MLH3: variants seen among roughly 807,000 people sequenced by gnomAD.
The protein encoded by MLH3 is mutL homolog 3, also known as DNA mismatch repair protein Mlh3.
MLH3 carries 82 observed loss-of-function variants against 122.2 expected under a neutral mutation model. That is an observed-to-expected ratio of 0.67 (90% CI 0.56 to 0.81). The LOEUF is 0.81. Ranked by LOEUF, MLH3 falls within the 30% of genes least tolerant of loss-of-function variation. The pLI is 0.00. For synonymous variants in MLH3, 524 were observed against 599.5 expected, an observed-to-expected ratio of 0.87 and a Z score of 1.84; for missense variants, 1,539 against 1,714.5, an observed-to-expected ratio of 0.90 and a Z score of 1.81.
At chr14:75,044,004 G>A (rs1892046053) in intron 2 of MLH3, among the ~76,000 whole-genome samples, 2 of 152,130 alleles carry the variant, frequency 1.3e-5, no homozygotes, top group South Asian at 4.1e-4. Context: ...CAGGAGAATC[G>A]CTTGAACTCA....
intron 5 of MLH3, among the ~76,000 whole-genome samples, chr14:75,039,008 C>A (rs1387596961): frequency 6.6e-6 from 1 of 151,876 alleles, no homozygotes; most frequent in Admixed American, 6.6e-5. Flanking sequence ...CAGGTGCCCG[C>A]CACCACGCCC....
chr14:75,030,998 A>T (rs1377671787), intron 8 of MLH3, among the ~76,000 whole-genome samples: 1 of 152,194 alleles, frequency 6.6e-6, no homozygotes, highest in East Asian at 1.9e-4. Flanking sequence ...GGCTGCTGGC[A>T]CTTAAGGGAG....
intron 4 of MLH3, 143 bp from the exon 5 acceptor site, chr14:75,040,158 C>A (rs1243504651): frequency 1.8e-5 from 10 of 553,410 alleles, no homozygotes; most frequent in East Asian, 4.3e-5. Flanking sequence ...TATAGAAATT[C>A]AAAAGAATCG....
At chr14:75,031,282 G>A (rs536604767) in intron 8 of MLH3, among the ~76,000 whole-genome samples, 1 of 152,066 alleles carries the variant, frequency 6.6e-6, no homozygotes, top group Non-Finnish European at 1.5e-5. Flanking sequence ...TATATGATTC[G>A]CCCCTTCCTT....
chr14:75,027,808 A>G (rs963685721), intron 9 of MLH3, among the ~76,000 whole-genome samples: 2 of 151,982 alleles, frequency 1.3e-5, no homozygotes, highest in African/African-American at 2.4e-5. Context: ...ACCACCAGGG[A>G]ATTAAAAACA....
chr14:75,035,695 G>A (rs989917118), intron 6 of MLH3, among the ~76,000 whole-genome samples: 1 of 152,124 alleles, frequency 6.6e-6, no homozygotes, highest in Non-Finnish European at 1.5e-5. Flanking sequence ...GAAATACATA[G>A]AGAATAAATG....
At chr14:75,038,843 A>ATTTTTTTTTTTTTTTTTTTTTTTTTTTT (rs879937438) in intron 5 of MLH3, among the ~76,000 whole-genome samples, 1 of 146,420 alleles carries the variant, frequency 6.8e-6, no homozygotes, top group Admixed American at 6.8e-5. Context: ...TTTATTTTTA[A>ATTTTTTTTTTTTTTTTTTTTTTTTTTTT]TTTTTTTTTT....
chr14:75,041,377 C>T (rs1197983282), intron 4 of MLH3, among the ~76,000 whole-genome samples: 2 of 152,008 alleles, frequency 1.3e-5, no homozygotes, highest in Admixed American at 1.3e-4. Context: ...TGGAGAAACC[C>T]CATCTCTACT....
chr14:75,048,680 T>C lies in MLH3; in HGVS notation c.976A>G (p.Thr326Ala). 1 of 1,614,094 alleles carries C rather than the reference T, an allele frequency of 6.2e-7. No homozygotes were observed. The highest frequency in any genetic ancestry group is 8.5e-7 in the Non-Finnish European group (1 of 1,180,020). Reference protein sequence around the residue: ...EYDVCMEPAKTLIEFQNWDTL... With the variant: ...EYDVCMEPAKALIEFQNWDTL... ...TCCCAGTTCTGAAATTCAATCAGAG[T>C]TTTGGCTGGCTCCATGCACACATCA... The change falls in exon 2 of 13, where the codon ACT becomes GCT. Residue 326 changes from threonine to alanine, a missense_variant. Transcript: ENST00000355774.
chr14:75,046,096 C>T (rs892090532), intron 2 of MLH3, among the ~76,000 whole-genome samples: 12 of 150,446 alleles, frequency 8.0e-5, no homozygotes, highest in African/African-American at 1.2e-4. Context: ...AGGAGAATCG[C>T]TTGAACCAGG....
At chr14:75,025,184 A>T (rs1160401317) in intron 9 of MLH3, among the ~76,000 whole-genome samples, 1 of 152,144 alleles carries the variant, frequency 6.6e-6, no homozygotes, top group African/African-American at 2.4e-5. Context: ...AACCACTTCT[A>T]ACCTTTAGCT....
rs540309281 is a variant in MLH3 at position 75,042,862 on chromosome 14, G to A, written c.3281-385C>T. 8.8e-4 allele frequency among the ~76,000 whole-genome samples: 133 copies of A among 151,186 alleles called. 1 individual carries two copies. The highest frequency in any genetic ancestry group is 2.9e-3 in the African/African-American group (118 of 41,130). ...GTGATCTCGGCTTACTGCAACTTCC[G>A]CCTCCCGGGTTCAAGCAATTCTCCT... is the stretch of plus-strand genomic sequence containing the variant. On this transcript the variant is annotated intron_variant, in intron 2 of 12. Transcript: ENST00000355774.
At chr14:75,036,894 T>C (rs544363806) in intron 6 of MLH3, among the ~76,000 whole-genome samples, 260 of 152,302 alleles carry the variant, frequency 1.7e-3, no homozygotes, top group Admixed American at 3.0e-3. Context: ...ATGTCTCAGA[T>C]ATTGCAATAT....
At chr14:75,022,775 T>C in intron 11 of MLH3, 39 bp downstream of exon 11, 2 of 1,577,800 alleles carry the variant, frequency 1.3e-6, no homozygotes, top group Non-Finnish European at 1.7e-6. Flanking sequence ...GGGCTCTGCA[T>C]GCAGAGGTGT....
chr14:75,026,776 T>C (rs541217801), intron 9 of MLH3, among the ~76,000 whole-genome samples: 3 of 152,258 alleles, frequency 2.0e-5, no homozygotes, highest in African/African-American at 7.2e-5. Flanking sequence ...AGAGTAATAA[T>C]TGGATTGACT....
intron 9 of MLH3, among the ~76,000 whole-genome samples, chr14:75,024,590 C>T (rs1890507150): frequency 6.6e-6 from 1 of 152,246 alleles, no homozygotes; most frequent in South Asian, 2.1e-4. Context: ...TCACTGCAGC[C>T]TCCACCTCCT....
At position 75,050,158 on chromosome 14, in the gene MLH3, T is replaced by C. The variant is rs188349478; in HGVS notation, c.-63-440A>G. Among the ~76,000 whole-genome samples, 21 of 152,326 alleles carry C rather than the reference T, an allele frequency of 1.4e-4. No homozygotes were observed. The East Asian group carries it at 3.3e-3, about 24-fold the overall frequency. ...ACCATGACTTTTAGAAAAATACTTATAATGAATTGCTAAGACATTGTAATA... is the reference window on the plus strand; with the variant it reads ...ACCATGACTTTTAGAAAAATACTTACAATGAATTGCTAAGACATTGTAATA... On this transcript the variant is annotated intron_variant, in intron 1 of 12. Transcript: ENST00000355774.
chr14:75,038,917 C>T (rs1457520873), intron 5 of MLH3, among the ~76,000 whole-genome samples: 1 of 151,482 alleles, frequency 6.6e-6, no homozygotes, highest in Admixed American at 6.6e-5. Context: ...CGGCTCACTG[C>T]AAGCTCTGCC....
At chr14:75,046,233 TG>T in intron 2 of MLH3, 142 bp downstream of exon 2, 1 of 820,578 alleles carries the variant, frequency 1.2e-6, no homozygotes, top group South Asian at 1.6e-5. Flanking sequence ...TCATATAGCA[TG>T]AAAATACAAC....
Sources: allele counts gnomAD v4.1 joint callset (sites outside exome capture counted in the v4.1 genomes callset), GRCh38; gene constraint gnomAD v4.1.1; transcripts MANE v1.5; gene names NCBI Gene and HGNC (gene_info 2026-07-23, HGNC 2026-07-21).